Variants in FAR1 observed in about 807,000 individuals in gnomAD.
The protein encoded by FAR1 is fatty acyl-CoA reductase 1.
In FAR1, 22 loss-of-function variants were observed where a neutral mutation model predicts 61.1. The ratio of observed to expected loss-of-function variants is 0.36; its 90% CI spans 0.26 to 0.51. The LOEUF is 0.51. FAR1 is among the 20% of genes least tolerant of loss of function. The pLI, the probability that FAR1 is intolerant of heterozygous loss-of-function variation, is 0.95. For missense variants in FAR1, 359 were observed against 626.9 expected (o/e 0.57, Z 4.56); for synonymous variants, 206 against 209.7 (o/e 0.98, Z 0.15).
At chr11:13,680,249 A>G (rs1041861211) in intron 1 of FAR1, among the ~76,000 whole-genome samples, 2 of 152,054 alleles carry the variant, frequency 1.3e-5, no homozygotes, top group African/African-American at 4.8e-5. Flanking sequence ...TTGCTTATAG[A>G]TTTCTTTCAG....
At chr11:13,675,052 A>C in intron 1 of FAR1, among the ~76,000 whole-genome samples, 2 of 65,368 alleles carry the variant, frequency 3.1e-5, no homozygotes, top group Non-Finnish European at 6.1e-5. Flanking sequence ...AAATCCCTAG[A>C]CTTTTTTTTT....
chr11:13,695,095 C>A, intron 2 of FAR1, 141 bp downstream of exon 2: 1 of 662,010 alleles, frequency 1.5e-6, no homozygotes, highest in Non-Finnish European at 2.3e-6. Context: ...TAAGTTCCTA[C>A]AGGATGGCAA....
intron 2 of FAR1, among the ~76,000 whole-genome samples, chr11:13,699,455 C>T (rs1041715609): frequency 6.6e-6 from 1 of 152,126 alleles, no homozygotes; most frequent in African/African-American, 2.4e-5. Context: ...CTAAAGTCAT[C>T]CAGGAATGTG....
intron 1 of FAR1, among the ~76,000 whole-genome samples, chr11:13,682,516 A>G (rs1027195223): frequency 2.0e-5 from 3 of 152,190 alleles, no homozygotes; most frequent in Admixed American, 6.5e-5. Flanking sequence ...ATGGTTCACA[A>G]AGTGGAAAAT....
intron 8 of FAR1, among the ~76,000 whole-genome samples, chr11:13,714,280 A>C (rs1848531805): frequency 6.6e-6 from 1 of 152,196 alleles, no homozygotes; most frequent in Non-Finnish European, 1.5e-5. Context: ...TTTAGCAAAA[A>C]TTCATTCATC....
intron 11 of FAR1, 73 bp downstream of exon 11, chr11:13,727,756 G>A: frequency 7.2e-7 from 1 of 1,390,226 alleles, no homozygotes. Context: ...TTGGTAAACT[G>A]GTATATTTGC....
At position 13,712,019 on chromosome 11, in the gene FAR1, C is replaced by T. The variant is rs753671320; in HGVS notation, c.860C>T (p.Ala287Val). 8.1e-6 allele frequency: 13 copies of T among 1,612,630 alleles called. No individual in the cohort carries two copies. Among genetic ancestry groups the T allele is most frequent in the Non-Finnish European group, 5.1e-6 (6 of 1,178,932 alleles). ...GATGTAGTTGTCAACATGAGTCTTG[C>T]GGCAGCCTGGTATTCCGGAGTTAAT... is the stretch of plus-strand genomic sequence containing the variant. ...PVDVVVNMSL[A>V]AAWYSGVNRP... Residue 287 changes from alanine (A) to valine (V), a missense_variant, in exon 7 of 12, where the codon GCG becomes GTG. By Grantham distance (64) the Ala-to-Val change is moderately conservative. This residue lies in a region of FAR1 where 344 missense variants were observed against 570.3 expected (regional missense o/e 0.60). Transcript: ENST00000354817.
At chr11:13,678,218 T>TAGCTTA (rs1014707745) in intron 1 of FAR1, among the ~76,000 whole-genome samples, 2 of 152,202 alleles carry the variant, frequency 1.3e-5, no homozygotes, top group African/African-American at 4.8e-5. Flanking sequence ...TCTTGGTAAC[T>TAGCTTA]AGCTTAATAG....
intron 9 of FAR1, among the ~76,000 whole-genome samples, 195 bp downstream of exon 9, chr11:13,714,875 G>T (rs1356704582): frequency 1.3e-5 from 2 of 152,200 alleles, no homozygotes; most frequent in Non-Finnish European, 2.9e-5. Flanking sequence ...TTTGTTTAAA[G>T]TTTGGATAAG....
intron 10 of FAR1, among the ~76,000 whole-genome samples, chr11:13,722,858 CTATATA>C (rs71041542): frequency 1.4e-5 from 2 of 147,804 alleles, no homozygotes; most frequent in African/African-American, 2.5e-5. Flanking sequence ...CTCTCTCTCT[CTATATA>C]TATATATATA....
chr11:13,671,607 A>G (rs1174704302), intron 1 of FAR1, among the ~76,000 whole-genome samples: 1 of 152,228 alleles, frequency 6.6e-6, no homozygotes, highest in Non-Finnish European at 1.5e-5. Flanking sequence ...TATATTGATA[A>G]TAATAGCAAA....
intron 1 of FAR1, among the ~76,000 whole-genome samples, chr11:13,679,188 T>C (rs538042202): frequency 1.4e-5 from 2 of 139,178 alleles, no homozygotes; most frequent in East Asian, 4.0e-4. Flanking sequence ...AGTTAAAATA[T>C]TAGTATATCT....
Position 13,705,159 on chromosome 11 carries a change from C to T in FAR1, c.366-2741C>T, listed in dbSNP as rs1023773. On this transcript the variant is annotated intron_variant, in intron 3 of 11. Coordinates refer to ENST00000354817, the MANE Select transcript of FAR1 (RefSeq NM_032228.6). ...CAAAGACTTTCTCATTTTGTACCCC[C>T]CTCCCAAAAGCCTGTCTTACCGAAG... Among the ~76,000 whole-genome samples, 219 of 152,086 alleles carry T rather than the reference C, an allele frequency of 1.4e-3. 1 individual carries two copies. The highest frequency in any genetic ancestry group is 5.1e-3 in the African/African-American group (211 of 41,502).
At position 13,730,714 on chromosome 11, in the gene FAR1, T is replaced by G. The variant is rs892768255; in HGVS notation, c.*1940T>G. The stretch of plus-strand genomic sequence containing the variant: ...GGACAACTTGGGCAGGCCTATGAAG[T>G]GCATAGGGAGTGTATGTCTTCTGAA... On this transcript the variant is annotated 3_prime_UTR_variant, in exon 12 of 12. Coordinates refer to ENST00000354817, the MANE Select transcript of FAR1 (RefSeq NM_032228.6). The G allele has an allele frequency of 1.3e-5, 2 of 152,100 alleles. No individual in the cohort carries two copies. The highest frequency in any genetic ancestry group is 4.8e-5 in the African/African-American group (2 of 41,442). 9.4% of individuals were successfully genotyped at this position (152,100 alleles called of 1,614,324 possible).
chr11:13,714,455 A>C (rs1437375547), intron 8 of FAR1, 54 bp from the exon 9 acceptor site: 2 of 1,484,090 alleles, frequency 1.3e-6, no homozygotes, highest in South Asian at 1.3e-5. Context: ...TTTTTTTTTC[A>C]AAACTTCATT....
intron 1 of FAR1, among the ~76,000 whole-genome samples, chr11:13,693,284 G>A (rs1021267896): frequency 6.6e-6 from 1 of 152,214 alleles, no homozygotes; most frequent in African/African-American, 2.4e-5. Context: ...GCCATGGGTT[G>A]GACAAGCTTG....
At chr11:13,674,366 T>A (rs1848042979) in intron 1 of FAR1, among the ~76,000 whole-genome samples, 1 of 152,054 alleles carries the variant, frequency 6.6e-6, no homozygotes, top group South Asian at 2.1e-4. Context: ...TCAGCAGATC[T>A]GAGCTTTAAT....
At chr11:13,701,496 C>T (rs142569891) in intron 3 of FAR1, among the ~76,000 whole-genome samples, 2 of 152,042 alleles carry the variant, frequency 1.3e-5, no homozygotes, top group East Asian at 3.9e-4. Context: ...AAGCCAGCCT[C>T]AGCAACATAA....
intron 2 of FAR1, among the ~76,000 whole-genome samples, chr11:13,697,809 C>T (rs1257028298): frequency 6.6e-6 from 1 of 152,074 alleles, no homozygotes; most frequent in Non-Finnish European, 1.5e-5. Flanking sequence ...GGTTCCTTTT[C>T]CTCTGCTTGC....
Sources: allele counts gnomAD v4.1 joint callset (sites outside exome capture counted in the v4.1 genomes callset), GRCh38; gene constraint gnomAD v4.1.1; regional missense constraint gnomAD v4.1.1; transcripts MANE v1.5; gene names NCBI Gene and HGNC (gene_info 2026-07-23, HGNC 2026-07-21).